The following KCNMB4 variants were observed in gnomAD, a reference collection of about 807,000 sequenced individuals.
KCNMB4 encodes the protein calcium-activated potassium channel subunit beta-4.
In KCNMB4, 3 loss-of-function variants were observed where a neutral mutation model predicts 20.7. The ratio of observed to expected loss-of-function variants is 0.14; its 90% CI spans 0.07 to 0.37. KCNMB4 has a LOEUF of 0.37. KCNMB4 is among the 10% of genes least tolerant of loss of function. KCNMB4 has a pLI of 1.00. For synonymous variants in KCNMB4, 110 were observed against 113.4 expected (o/e 0.97, Z 0.19); for missense variants, 168 against 265.9 (o/e 0.63, Z 2.56).
In KCNMB4 at chr12:70,416,662, C is replaced by T. The variant is rs758802170; in HGVS notation, c.465-13823C>T. ...AATTAATTTAGCTAATTTTACTTTG[C>T]AAAGGCATTTCAAGATGTTTAATGC... On this transcript the variant is annotated intron_variant, in intron 2 of 2. Transcript: ENST00000258111. Among the ~76,000 whole-genome samples the T allele has an allele frequency of 3.1e-4, 47 of 152,122 alleles. 1 individual carries two copies. The highest frequency in any genetic ancestry group is 7.9e-4 in the Admixed American group (12 of 15,276).
intron 1 of KCNMB4, among the ~76,000 whole-genome samples, chr12:70,381,095 GT>G (rs1048675798): frequency 0.019 from 2,751 of 147,224 alleles, 96 homozygotes; most frequent in African/African-American, 0.064. Context: ...GATGTGAATA[GT>G]TTTTTTTTTT....
At chr12:70,407,329 G>A (rs1218961472) in intron 2 of KCNMB4, among the ~76,000 whole-genome samples, 3 of 152,066 alleles carry the variant, frequency 2.0e-5, no homozygotes, top group African/African-American at 7.2e-5. Flanking sequence ...CAGGAGCTCT[G>A]GAGTTGTTAG....
At chr12:70,383,899 T>A (rs1487659223) in intron 1 of KCNMB4, among the ~76,000 whole-genome samples, 2 of 152,148 alleles carry the variant, frequency 1.3e-5, no homozygotes, top group Non-Finnish European at 2.9e-5. Flanking sequence ...TGAAACCCTG[T>A]CTCTCCTAAA....
Position 70,426,434 on chromosome 12 carries a change from A to G in KCNMB4, c.465-4051A>G, listed in dbSNP as rs566295348. Among the ~76,000 whole-genome samples, 5 of 152,316 alleles carry G rather than the reference A, an allele frequency of 3.3e-5. No homozygotes were observed. In the South Asian group the frequency reaches 8.3e-4, roughly 25 times the overall value. On this transcript the variant is annotated intron_variant, in intron 2 of 2. Transcript: ENST00000258111. ...ACTTTACACAATGCTTCTTAAACCGAAGTGCACATAAGAATCATCTCAGAG... is the reference window on the plus strand; with the variant it reads ...ACTTTACACAATGCTTCTTAAACCGGAGTGCACATAAGAATCATCTCAGAG...
intron 1 of KCNMB4, among the ~76,000 whole-genome samples, chr12:70,382,666 A>G (rs1883811946): frequency 6.6e-6 from 1 of 152,142 alleles, no homozygotes; most frequent in Non-Finnish European, 1.5e-5. Context: ...AAAAATGATA[A>G]ATTTGGACAA....
chr12:70,382,315 C>T (rs946846561), intron 1 of KCNMB4, among the ~76,000 whole-genome samples: 2 of 150,942 alleles, frequency 1.3e-5, no homozygotes, highest in Non-Finnish European at 3.0e-5. Flanking sequence ...CGCCTGTAGT[C>T]CCAGCTACTC....
chr12:70,430,438 C>A, intron 2 of KCNMB4, 47 bp from the exon 3 acceptor site: 1 of 1,600,682 alleles, frequency 6.2e-7, no homozygotes, highest in South Asian at 1.1e-5. Context: ...TTTTCAGTGC[C>A]AAGGCATTTG....
intron 2 of KCNMB4, among the ~76,000 whole-genome samples, chr12:70,401,121 G>A (rs1161462159): frequency 6.6e-6 from 1 of 152,076 alleles, no homozygotes; most frequent in Non-Finnish European, 1.5e-5. Flanking sequence ...CACCTCCCAG[G>A]TCCAAGTGAT....
At chr12:70,381,106 T>C (rs1883778010) in intron 1 of KCNMB4, among the ~76,000 whole-genome samples, 2 of 151,814 alleles carry the variant, frequency 1.3e-5, no homozygotes, top group Non-Finnish European at 1.5e-5. Flanking sequence ...TTTTTTTTTT[T>C]CCAAAGAAGG....
chr12:70,404,231 A>C (rs957471060), intron 2 of KCNMB4, among the ~76,000 whole-genome samples: 1 of 152,190 alleles, frequency 6.6e-6, no homozygotes, highest in Admixed American at 6.5e-5. Context: ...ATAGGCAATA[A>C]AAATTTGTCA....
At chr12:70,415,302 C>T (rs1196034379) in intron 2 of KCNMB4, among the ~76,000 whole-genome samples, 3 of 152,188 alleles carry the variant, frequency 2.0e-5, no homozygotes, top group African/African-American at 7.2e-5. Context: ...ACAATATGGT[C>T]TACCTCCACA....
In KCNMB4 at chr12:70,373,799, G is replaced by A. The variant is rs143264820; in HGVS notation, c.336+6729G>A. Among the ~76,000 whole-genome samples, 362 of 152,166 alleles carry A rather than the reference G, an allele frequency of 2.4e-3. 1 individual carries two copies. Among genetic ancestry groups the A allele is most frequent in the African/African-American group, 8.4e-3 (349 of 41,502 alleles). ...CTTGGGAGGCTGAGGCCTGTACCACGTAGTAAGATCCCATCTCTTAAAAAA... is the reference window on the plus strand; with the variant it reads ...CTTGGGAGGCTGAGGCCTGTACCACATAGTAAGATCCCATCTCTTAAAAAA... On this transcript the variant is annotated intron_variant, in intron 1 of 2. Coordinates refer to ENST00000258111, the MANE Select transcript of KCNMB4 (RefSeq NM_014505.6).
intron 2 of KCNMB4, among the ~76,000 whole-genome samples, chr12:70,401,564 A>G (rs1303577510): frequency 6.6e-6 from 1 of 151,978 alleles, no homozygotes; most frequent in Non-Finnish European, 1.5e-5. Context: ...ACATCTTGGC[A>G]TGGCCTATGT....
intron 2 of KCNMB4, among the ~76,000 whole-genome samples, chr12:70,425,260 C>A (rs551199499): frequency 6.6e-6 from 1 of 152,006 alleles, no homozygotes; most frequent in South Asian, 2.1e-4. Flanking sequence ...CACAGTGAAA[C>A]CCCGTCTCTA....
chr12:70,408,591 TG>T (rs1479771057), intron 2 of KCNMB4, among the ~76,000 whole-genome samples: 3 of 151,926 alleles, frequency 2.0e-5, no homozygotes, highest in African/African-American at 7.3e-5. Context: ...GTGCCTGCCG[TG>T]GGCAGTCAGT....
intron 2 of KCNMB4, among the ~76,000 whole-genome samples, chr12:70,417,211 C>T (rs892344932): frequency 1.3e-5 from 2 of 152,182 alleles, no homozygotes; most frequent in African/African-American, 4.8e-5. Flanking sequence ...GAACAAATTA[C>T]TGTGAGATGA....
chr12:70,397,273 A>C (rs1486731049), intron 1 of KCNMB4, among the ~76,000 whole-genome samples: 1 of 152,042 alleles, frequency 6.6e-6, no homozygotes, highest in Non-Finnish European at 1.5e-5. Context: ...CTTGAGCCCC[A>C]AGAGTTCAAG....
chr12:70,426,173 AGTCCCAGCTACC>A (rs1264768594), intron 2 of KCNMB4, among the ~76,000 whole-genome samples: 2 of 152,062 alleles, frequency 1.3e-5, no homozygotes, highest in Non-Finnish European at 2.9e-5. Context: ...AGGCGCCTGT[AGTCCCAGCTACC>A]CAGGAGGCTG....
intron 2 of KCNMB4, among the ~76,000 whole-genome samples, chr12:70,405,115 A>G (rs185870142): frequency 6.6e-6 from 1 of 152,334 alleles, no homozygotes; most frequent in East Asian, 1.9e-4. Flanking sequence ...AGCCTTTGAT[A>G]AGTACAGACT....
Sources: allele counts gnomAD v4.1 joint callset (sites outside exome capture counted in the v4.1 genomes callset), GRCh38; gene constraint gnomAD v4.1.1; transcripts MANE v1.5; gene names NCBI Gene and HGNC (gene_info 2026-07-23, HGNC 2026-07-21).